Variants in TEX9 observed in about 807,000 individuals in gnomAD.
The protein encoded by TEX9 is testis-expressed protein 9.
A neutral mutation model predicts 59.6 loss-of-function variants in TEX9; 74 were observed. That is an observed-to-expected ratio of 1.24 (90% confidence interval 1.03 to 1.51). TEX9 has a LOEUF of 1.51. TEX9 is among the 40% of genes most tolerant of loss of function. The pLI is 0.00. For synonymous variants in TEX9, 186 were observed against 152.2 expected (o/e 1.22, Z -1.64); for missense variants, 522 against 447.8 (o/e 1.17, Z -1.49).
At chr15:56,310,906 C>G (rs76692286) in intron 1 of TEX9, among the ~76,000 whole-genome samples, 4 of 152,144 alleles carry the variant, frequency 2.6e-5, no homozygotes, top group African/African-American at 9.7e-5. Flanking sequence ...CATTTGGGCT[C>G]AGTCCCAACT....
At chr15:56,378,316 C>T (rs1028023458) in intron 3 of TEX9, among the ~76,000 whole-genome samples, 17 of 152,028 alleles carry the variant, frequency 1.1e-4, no homozygotes, top group African/African-American at 4.1e-4. Context: ...TTTAAATGTT[C>T]GATAGAATTC....
At chr15:56,417,839 G>A (rs1346155130) in intron 10 of TEX9, among the ~76,000 whole-genome samples, 1 of 151,882 alleles carries the variant, frequency 6.6e-6, no homozygotes, top group Non-Finnish European at 1.5e-5. Context: ...AGGTTTCTAA[G>A]AACTTGCCTT....
upstream of TEX9, among the ~76,000 whole-genome samples, chr15:56,361,509 G>C (rs559347388): frequency 1.3e-5 from 2 of 152,234 alleles, no homozygotes; most frequent in Admixed American, 1.3e-4. Flanking sequence ...GTGTCCAGCT[G>C]TTTTGTTATT....
At chr15:56,355,609 C>A (rs2046669464) in intron 1 of TEX9, among the ~76,000 whole-genome samples, 1 of 152,100 alleles carries the variant, frequency 6.6e-6, no homozygotes, top group East Asian at 1.9e-4. Context: ...ATTGTCTTTC[C>A]ATCTAATTTT....
chr15:56,432,978 A>G (rs1487471687), intron 12 of TEX9, among the ~76,000 whole-genome samples: 1 of 152,360 alleles, frequency 6.6e-6, no homozygotes, highest in African/African-American at 2.4e-5. Context: ...GTGAGACAAT[A>G]TAAGTATTTA....
chr15:56,335,465 T>A (rs999190295), intron 1 of TEX9, among the ~76,000 whole-genome samples: 2 of 151,834 alleles, frequency 1.3e-5, no homozygotes, highest in Non-Finnish European at 2.9e-5. Flanking sequence ...ATTGAACTCA[T>A]GGAGATAGAG....
intron 9 of TEX9, chr15:56,398,003 A>T (rs1288513444): frequency 6.6e-6 from 1 of 152,264 alleles, no homozygotes; most frequent in Non-Finnish European, 1.5e-5. Context: ...TATCCCTATT[A>T]TAGTCCATTC....
At chr15:56,324,169 ACT>A (rs1267140450) in intron 1 of TEX9, among the ~76,000 whole-genome samples, 1 of 133,920 alleles carries the variant, frequency 7.5e-6, no homozygotes, top group South Asian at 2.3e-4. Context: ...ACTAAATATC[ACT>A]CTGTAATTGC....
chr15:56,244,587 C>T (rs1413445001), intron 1 of TEX9, among the ~76,000 whole-genome samples: 1 of 149,280 alleles, frequency 6.7e-6, no homozygotes, highest in Non-Finnish European at 1.5e-5. Flanking sequence ...CCCACCCCAC[C>T]CCACCCCCTT....
chr15:56,266,832 G>C (rs1231442186), intron 1 of TEX9, among the ~76,000 whole-genome samples: 1 of 152,188 alleles, frequency 6.6e-6, no homozygotes, highest in Non-Finnish European at 1.5e-5. Context: ...AATCCTTTGG[G>C]TATATACCCA....
At chr15:56,301,049 A>T (rs573230819) in intron 1 of TEX9, among the ~76,000 whole-genome samples, 1 of 152,346 alleles carries the variant, frequency 6.6e-6, no homozygotes, top group Admixed American at 6.5e-5. Context: ...TGAAAAGAAT[A>T]TGTGACCTTT....
intron 12 of TEX9, chr15:56,429,146 G>T: frequency 6.2e-7 from 1 of 1,601,792 alleles, no homozygotes; most frequent in South Asian, 1.1e-5. Flanking sequence ...ATACTTTCCT[G>T]AACTCTTCAC....
At chr15:56,444,451 C>G (rs762125964) in intron 12 of TEX9, 4 of 1,604,552 alleles carry the variant, frequency 2.5e-6, no homozygotes, top group Middle Eastern at 3.4e-4. Flanking sequence ...TACAACTGAT[C>G]TTCTTCATAG....
At chr15:56,422,733 T>A (rs1248957430) in intron 10 of TEX9, among the ~76,000 whole-genome samples, 2 of 152,044 alleles carry the variant, frequency 1.3e-5, no homozygotes, top group Non-Finnish European at 2.9e-5. Flanking sequence ...AGATTCACAC[T>A]GTTATACAAC....
chr15:56,326,228 C>T (rs901779460), intron 1 of TEX9, among the ~76,000 whole-genome samples: 1 of 152,288 alleles, frequency 6.6e-6, no homozygotes, highest in East Asian at 1.9e-4. Flanking sequence ...GTAACTTCTA[C>T]CCACTAGCCT....
intron 1 of TEX9, among the ~76,000 whole-genome samples, chr15:56,333,969 C>A (rs1279220262): frequency 6.6e-6 from 1 of 151,964 alleles, no homozygotes; most frequent in African/African-American, 2.4e-5. Context: ...AAGACAAAGA[C>A]CTCTACAGTG....
the TEX9 span, among the ~76,000 whole-genome samples, chr15:56,458,190 A>T: frequency 6.6e-6 from 1 of 152,248 alleles, no homozygotes; most frequent in East Asian, 1.9e-4. Context: ...GATATAATTC[A>T]TATAGCATAA....
At chr15:56,252,375 A>C (rs2044042345) in intron 1 of TEX9, among the ~76,000 whole-genome samples, 1 of 102,508 alleles carries the variant, frequency 9.8e-6, no homozygotes, top group Admixed American at 1.1e-4. Context: ...GCTATTAGAA[A>C]AACCTTTTTT....
intron 1 of TEX9, among the ~76,000 whole-genome samples, chr15:56,342,230 C>T (rs2046385570): frequency 2.6e-5 from 4 of 152,114 alleles, no homozygotes; most frequent in Admixed American, 2.6e-4. Flanking sequence ...ACTTCATATT[C>T]ATTACTCTTA....
Sources: allele counts gnomAD v4.1 joint callset (sites outside exome capture counted in the v4.1 genomes callset), GRCh38; gene constraint gnomAD v4.1.1; transcripts MANE v1.5; gene names NCBI Gene and HGNC (gene_info 2026-07-23, HGNC 2026-07-21).